Variants in KCNIP4 observed in about 807,000 individuals in gnomAD.
The protein encoded by KCNIP4 is Kv channel-interacting protein 4.
KCNIP4 carries 12 observed loss-of-function variants against 34.0 expected under a neutral mutation model. The ratio of observed to expected loss-of-function variants is 0.35; its 90% confidence interval spans 0.23 to 0.57. KCNIP4 has a LOEUF of 0.57. Among genes scored for constraint, KCNIP4 ranks in the 20% least tolerant of loss-of-function variants. KCNIP4 has a pLI of 0.83. For missense variants in KCNIP4, 238 were observed against 311.7 expected (o/e 0.76, Z 1.78); for synonymous variants, 124 against 102.2 (o/e 1.21, Z -1.29).
At chr4:20,763,843 C>T (rs1042935304) in intron 3 of KCNIP4, among the ~76,000 whole-genome samples, 2 of 152,112 alleles carry the variant, frequency 1.3e-5, no homozygotes, top group African/African-American at 2.4e-5. Context: ...CAGGTGTGAG[C>T]CCAGCCTCCC....
At chr4:20,799,442 T>C (rs1713929125) in intron 3 of KCNIP4, among the ~76,000 whole-genome samples, 1 of 152,168 alleles carries the variant, frequency 6.6e-6, no homozygotes, top group Non-Finnish European at 1.5e-5. Flanking sequence ...TGAGAAGACA[T>C]AGTACCTGAA....
At chr4:20,776,516 A>G (rs567690700) in intron 3 of KCNIP4, among the ~76,000 whole-genome samples, 9 of 152,326 alleles carry the variant, frequency 5.9e-5, no homozygotes, top group African/African-American at 1.9e-4. Flanking sequence ...CAATCCCTCC[A>G]GTACTTACAA....
chr4:20,893,047 C>T (rs1454456520), intron 1 of KCNIP4, among the ~76,000 whole-genome samples: 1 of 152,044 alleles, frequency 6.6e-6, no homozygotes, highest in Admixed American at 6.6e-5. Context: ...GTCCTAACAC[C>T]CCATAGTCTG....
intron 1 of KCNIP4, among the ~76,000 whole-genome samples, chr4:21,123,058 C>CA (rs926794139): frequency 1.4e-4 from 22 of 151,730 alleles, no homozygotes; most frequent in Middle Eastern, 6.8e-3. Context: ...AAAAAAAATA[C>CA]AAAAAATTAA....
intron 1 of KCNIP4, among the ~76,000 whole-genome samples, chr4:21,591,179 A>G (rs1050024192): frequency 2.6e-5 from 4 of 152,150 alleles, no homozygotes; most frequent in African/African-American, 7.2e-5. Flanking sequence ...GAGCTACCCT[A>G]ATAGGTGTCA....
At chr4:21,499,429 T>C (rs16871240) in intron 1 of KCNIP4, among the ~76,000 whole-genome samples, 5,658 of 152,046 alleles carry the variant, frequency 0.037, 315 homozygotes, top group African/African-American at 0.12. Flanking sequence ...TACATATGCA[T>C]TGATTACAAT....
intron 1 of KCNIP4, chr4:21,464,617 C>T (rs1467380341): frequency 2.6e-5 from 4 of 151,954 alleles, no homozygotes; most frequent in African/African-American, 9.7e-5. Flanking sequence ...ATAATCTATC[C>T]TGGGGAATGT....
chr4:21,026,075 A>G (rs997942777), intron 1 of KCNIP4, among the ~76,000 whole-genome samples: 1 of 152,150 alleles, frequency 6.6e-6, no homozygotes, highest in Non-Finnish European at 1.5e-5. Flanking sequence ...AATAAAGGAC[A>G]AAGTTGCTGT....
intron 1 of KCNIP4, among the ~76,000 whole-genome samples, chr4:21,519,702 GTA>G (rs1187379155): frequency 1.4e-5 from 2 of 138,996 alleles, no homozygotes; most frequent in East Asian, 2.2e-4. Flanking sequence ...ACACGTGTGT[GTA>G]TGTATGTGTA....
chr4:21,661,150 C>T lies in KCNIP4; in HGVS notation c.61+287421G>A, dbSNP rs1032577764. ...ACAGGCAAGGACATCAGCCACGGGA[C>T]GGCTGAACTCAGGGGAACATCATCT... On this transcript the variant is annotated intron_variant, in intron 1 of 8. Transcript: ENST00000382152. Among the ~76,000 whole-genome samples, 20 of 152,084 alleles carry T rather than the reference C, an allele frequency of 1.3e-4. 1 individual carries two copies. Among genetic ancestry groups the T allele is most frequent in the Non-Finnish European group, 2.9e-5 (2 of 68,012 alleles).
intron 1 of KCNIP4, among the ~76,000 whole-genome samples, chr4:21,664,557 T>A (rs747872668): frequency 9.2e-5 from 14 of 152,266 alleles, no homozygotes; most frequent in Middle Eastern, 3.4e-3. Flanking sequence ...TGGGCCTATC[T>A]AGGAAGATAG....
intron 1 of KCNIP4, among the ~76,000 whole-genome samples, chr4:21,367,502 C>T (rs1317450275): frequency 7.6e-6 from 1 of 130,780 alleles, no homozygotes; most frequent in Non-Finnish European, 1.5e-5. Flanking sequence ...CTTTCAAGAG[C>T]TTGAAAGGAA....
At chr4:20,968,756 A>C (rs1299150619) in intron 1 of KCNIP4, among the ~76,000 whole-genome samples, 1 of 133,930 alleles carries the variant, frequency 7.5e-6, no homozygotes, top group Non-Finnish European at 1.6e-5. Flanking sequence ...GGTGGGGAAC[A>C]TCACACGCTG....
At chr4:21,936,352 T>C (rs757152786) in intron 1 of KCNIP4, among the ~76,000 whole-genome samples, 4 of 152,134 alleles carry the variant, frequency 2.6e-5, no homozygotes, top group Admixed American at 2.6e-4. Context: ...CCTGCTGCCA[T>C]GTAAGATGTG....
chr4:21,896,035 C>T (rs1470086562), intron 1 of KCNIP4, among the ~76,000 whole-genome samples: 1 of 152,120 alleles, frequency 6.6e-6, no homozygotes, highest in Non-Finnish European at 1.5e-5. Context: ...CCATCACTAA[C>T]CCAGGGTTTC....
Position 20,998,266 on chromosome 4 carries a change from C to T in KCNIP4, c.62-115557G>A, listed in dbSNP as rs189042217. On this transcript the variant is annotated intron_variant, in intron 1 of 8. Transcript: ENST00000382152. Reference sequence around the variant, plus strand: ...TCAAGAGAAGAGAGAGCATCAGAGACGCTGGATCATTGAGTTCACTGTAGA... The same window carrying T: ...TCAAGAGAAGAGAGAGCATCAGAGATGCTGGATCATTGAGTTCACTGTAGA... Among the ~76,000 whole-genome samples, 31 of 152,260 alleles carry T rather than the reference C, an allele frequency of 2.0e-4. No homozygotes were observed. In the South Asian group the frequency reaches 4.8e-3, roughly 23 times the overall value.
chr4:21,371,537 G>A (rs576651760), intron 1 of KCNIP4, among the ~76,000 whole-genome samples: 3 of 146,760 alleles, frequency 2.0e-5, no homozygotes, highest in Admixed American at 2.0e-4. Flanking sequence ...CTAATCACTT[G>A]ATATAATAAA....
intron 1 of KCNIP4, among the ~76,000 whole-genome samples, chr4:21,939,425 G>A (rs1015501248): frequency 1.4e-4 from 21 of 152,040 alleles, no homozygotes; most frequent in Admixed American, 1.0e-3. Context: ...TTTAAAAGAT[G>A]AGATTTATTC....
chr4:21,619,778 G>C (rs1172596819), intron 1 of KCNIP4, among the ~76,000 whole-genome samples: 1 of 152,234 alleles, frequency 6.6e-6, no homozygotes, highest in African/African-American at 2.4e-5. Flanking sequence ...GTAAGTCCTA[G>C]CCACTGTCTT....
Sources: gnomAD v4.1 joint callset for allele counts (sites outside exome capture counted in the v4.1 genomes callset) on GRCh38, gnomAD v4.1.1 for gene constraint, MANE v1.5 for transcripts, NCBI Gene and HGNC (gene_info 2026-07-23, HGNC 2026-07-21) for gene names.